Variants in TENM2 observed in about 807,000 individuals in gnomAD.
TENM2 encodes the protein teneurin-2.
In TENM2, 52 loss-of-function variants were observed where a neutral mutation model predicts 245.2. That is an observed-to-expected ratio of 0.21 (90% CI 0.17 to 0.27). The LOEUF (loss-of-function observed/expected upper bound fraction) is 0.27. Among genes scored for constraint, TENM2 ranks in the 10% least tolerant of loss-of-function variants. The pLI is 1.00. For synonymous variants in TENM2, 1,363 were observed against 1,438.9 expected, an observed-to-expected ratio of 0.95 and a Z score of 1.19; for missense variants, 3,046 against 3,666.8, an observed-to-expected ratio of 0.83 and a Z score of 4.37.
chr5:167,352,939 C>T (rs970240524), intron 1 of TENM2, among the ~76,000 whole-genome samples: 1 of 152,172 alleles, frequency 6.6e-6, no homozygotes, highest in East Asian at 1.9e-4. Flanking sequence ...GGCAATGTGT[C>T]CCTGGACAGG....
At chr5:167,685,824 G>T (rs1333455161) in intron 2 of TENM2, among the ~76,000 whole-genome samples, 1 of 152,182 alleles carries the variant, frequency 6.6e-6, no homozygotes, top group Non-Finnish European at 1.5e-5. Context: ...AGGGTATAGA[G>T]GGCGTGCAGC....
intron 3 of TENM2, among the ~76,000 whole-genome samples, chr5:167,893,215 C>T (rs1417579431): frequency 2.6e-5 from 4 of 152,086 alleles, no homozygotes; most frequent in Non-Finnish European, 5.9e-5. Context: ...GCTATTCAGG[C>T]CAAAGAGTTG....
At chr5:168,155,013 C>T (rs186545894) in intron 12 of TENM2, among the ~76,000 whole-genome samples, 29 of 152,344 alleles carry the variant, frequency 1.9e-4, no homozygotes, top group African/African-American at 6.5e-4. Context: ...ACAGAGTCCC[C>T]GCACAGCTCC....
At chr5:168,043,590 G>A (rs933713728) in intron 5 of TENM2, among the ~76,000 whole-genome samples, 1 of 152,208 alleles carries the variant, frequency 6.6e-6, no homozygotes, top group Admixed American at 6.5e-5. Flanking sequence ...GTATAAAAAT[G>A]CCATTTCCTA....
At chr5:167,648,160 T>C (rs1297193453) in intron 2 of TENM2, among the ~76,000 whole-genome samples, 1 of 152,218 alleles carries the variant, frequency 6.6e-6, no homozygotes, top group Admixed American at 6.5e-5. Context: ...AAGAGCATCA[T>C]GGGAAATGAC....
chr5:167,887,085 ACAGGTACCAT>A (rs1167112946), intron 3 of TENM2, among the ~76,000 whole-genome samples: 10 of 152,222 alleles, frequency 6.6e-5, no homozygotes, highest in Admixed American at 4.6e-4. Flanking sequence ...CCATCTAAGC[ACAGGTACCAT>A]CATTTCCTCA....
At chr5:167,371,334 G>GTTTTTTTTTTTTTTTTTTTTTT (rs768614312) in intron 1 of TENM2, among the ~76,000 whole-genome samples, 1 of 128,968 alleles carries the variant, frequency 7.8e-6, no homozygotes. Context: ...ATGGCTCCCT[G>GTTTTTTTTTTTTTTTTTTTTTT]TTTTTTTTTT....
chr5:167,644,520 A>G (rs1779805610), intron 2 of TENM2, among the ~76,000 whole-genome samples: 1 of 152,210 alleles, frequency 6.6e-6, no homozygotes, highest in Non-Finnish European at 1.5e-5. Flanking sequence ...AGGTGGTGAC[A>G]TGCACTCAGT....
the TENM2 span, among the ~76,000 whole-genome samples, chr5:167,135,944 A>G: frequency 6.6e-6 from 1 of 152,220 alleles, no homozygotes; most frequent in Admixed American, 6.5e-5. Context: ...AGTAGTACCT[A>G]GGTACATAAG....
At position 167,515,401 on chromosome 5, in the gene TENM2, T is replaced by C. The variant is rs1257851801; in HGVS notation, c.502+139928T>C. Among the ~76,000 whole-genome samples the C allele has an allele frequency of 2.0e-5, 3 of 151,768 alleles. No individual in the cohort carries two copies. The East Asian group carries it at 5.9e-4, about 30-fold the overall frequency. On this transcript the variant is annotated intron_variant, in intron 2 of 28. Coordinates refer to ENST00000518659, the Ensembl canonical transcript of TENM2. Reference sequence around the variant, plus strand: ...AGAATCTCATAGGTTAAATACAATGTTGTTTCATCCAGAGTTTGTATAATT... The same window carrying C: ...AGAATCTCATAGGTTAAATACAATGCTGTTTCATCCAGAGTTTGTATAATT...
chr5:167,875,926 T>C, intron 2 of TENM2, 60 bp from the exon 5 acceptor site: 1 of 1,180,156 alleles, frequency 8.5e-7, no homozygotes, highest in African/African-American at 1.5e-5. Flanking sequence ...AATGTAACTT[T>C]CTTGGGGTGC....
At position 167,622,106 on chromosome 5, in the gene TENM2, G is replaced by A. The variant is rs1431034631; in HGVS notation, c.502+246633G>A. On this transcript the variant is annotated intron_variant, in intron 2 of 28. Coordinates refer to ENST00000518659, the Ensembl canonical transcript of TENM2. ...AAGTGTTTCAATTTTTTACATACTT[G>A]CAATTTATCTTTATTAATGCAAGCA... 6.6e-5 allele frequency among the ~76,000 whole-genome samples: 10 copies of A among 152,184 alleles called. No individual in the cohort carries two copies. The East Asian group carries it at 1.7e-3, about 26-fold the overall frequency.
intron 2 of TENM2, among the ~76,000 whole-genome samples, chr5:167,789,643 T>C (rs1764816044): frequency 1.3e-5 from 2 of 152,238 alleles, no homozygotes. Context: ...TCGTGTTGTT[T>C]AGATTCCAGC....
chr5:167,659,542 G>A (rs535778748), intron 2 of TENM2, among the ~76,000 whole-genome samples: 3 of 152,276 alleles, frequency 2.0e-5, no homozygotes, highest in Non-Finnish European at 4.4e-5. Flanking sequence ...AAGAAATGTA[G>A]AACTGCAATG....
At chr5:167,147,897 A>G in the TENM2 span, among the ~76,000 whole-genome samples, 1,219 of 152,248 alleles carry the variant, frequency 8.0e-3, 17 homozygotes, top group African/African-American at 0.027. Flanking sequence ...AAGCCTCCTT[A>G]TTCTTGGAGT....
At chr5:167,256,176 C>T in the TENM2 span, among the ~76,000 whole-genome samples, 1 of 152,252 alleles carries the variant, frequency 6.6e-6, no homozygotes, top group South Asian at 2.1e-4. Flanking sequence ...GGCCCACTTG[C>T]ACTGCATGCA....
At chr5:167,175,134 A>G in the TENM2 span, among the ~76,000 whole-genome samples, 1 of 152,164 alleles carries the variant, frequency 6.6e-6, no homozygotes, top group Non-Finnish European at 1.5e-5. Context: ...GCTGCCCTAA[A>G]CAAGGGAACA....
At chr5:167,394,468 A>G (rs534922886) in intron 2 of TENM2, among the ~76,000 whole-genome samples, 8 of 152,098 alleles carry the variant, frequency 5.3e-5, no homozygotes, top group African/African-American at 1.4e-4. Context: ...ATTTTATTCT[A>G]TTGGTCTATG....
At chr5:167,249,463 C>T in the TENM2 span, among the ~76,000 whole-genome samples, 1 of 152,050 alleles carries the variant, frequency 6.6e-6, no homozygotes, top group Non-Finnish European at 1.5e-5. Context: ...CTTTCCTTCC[C>T]CCTCTGTCTC....
Sources: allele counts gnomAD v4.1 joint callset (sites outside exome capture counted in the v4.1 genomes callset), GRCh38; gene constraint gnomAD v4.1.1; transcripts MANE v1.5; gene names NCBI Gene and HGNC (gene_info 2026-07-23, HGNC 2026-07-21).